The following DGLUCY variants were observed in gnomAD, a reference collection of about 807,000 sequenced individuals.
DGLUCY encodes D-glutamate cyclase.
Under a neutral mutation model 58.5 loss-of-function variants are expected in DGLUCY, and 58 were observed. The observed-to-expected ratio is 0.99, with a 90% CI of 0.80 to 1.23. The LOEUF (loss-of-function observed/expected upper bound fraction) is 1.23, where lower values mean the gene tolerates loss of function less well. Among genes scored for constraint, DGLUCY ranks in the 50% most tolerant of loss-of-function variants. The pLI, the probability that DGLUCY is intolerant of heterozygous loss-of-function variation, is 0.00. For missense variants in DGLUCY, 779 were observed against 784.7 expected, an observed-to-expected ratio of 0.99 and a Z score of 0.09; for synonymous variants, 325 against 314.1, an observed-to-expected ratio of 1.03 and a Z score of -0.37.
At chr14:91,156,547 A>G (rs1422167347) in intron 1 of DGLUCY, among the ~76,000 whole-genome samples, 4 of 152,236 alleles carry the variant, frequency 2.6e-5, no homozygotes, top group Non-Finnish European at 5.9e-5. Context: ...GTGGAATTTC[A>G]GAAATCTGTG....
At chr14:91,112,843 C>T (rs1456883075), upstream of DGLUCY, among the ~76,000 whole-genome samples, 1 of 151,506 alleles carries the variant, frequency 6.6e-6, no homozygotes, top group Non-Finnish European at 1.5e-5. Flanking sequence ...CACGGTGAAA[C>T]CCTGTTTCTA....
chr14:91,126,050 C>T (rs1169128694), intron 1 of DGLUCY, among the ~76,000 whole-genome samples: 2 of 152,178 alleles, frequency 1.3e-5, no homozygotes, highest in Non-Finnish European at 2.9e-5. Context: ...TTGATTGTCA[C>T]CTAGGTCTGA....
chr14:91,224,880 G>T lies in DGLUCY; in HGVS notation c.*47G>T, dbSNP rs2140819054. The stretch of plus-strand genomic sequence containing the variant: ...AGAGTCCCTACCAACGGGCAGGTCT[G>T]CATCCGGGGAGAATGCAGCTGCTTC... On this transcript the variant is annotated 3_prime_UTR_variant, in exon 14 of 14. Coordinates refer to ENST00000256324, the MANE Select transcript of DGLUCY (RefSeq NM_001102368.3). 6.5e-7 allele frequency: 1 copy of T among 1,528,986 alleles called. No individual in the cohort carries two copies. The highest frequency in any genetic ancestry group is 8.9e-7 in the Non-Finnish European group (1 of 1,127,484). The allele number at this position is 1,528,986 out of a possible 1,614,324, so 94.7% of individuals were successfully genotyped here.
intron 1 of DGLUCY, among the ~76,000 whole-genome samples, chr14:91,148,163 ATC>A (rs2140287017): frequency 1.3e-5 from 2 of 152,086 alleles, no homozygotes; most frequent in African/African-American, 4.8e-5. Context: ...GGCAGAGTAA[ATC>A]TCTGTCTCAA....
chr14:91,181,496 C>A, intron 8 of DGLUCY, 107 bp downstream of exon 8: 1 of 1,136,616 alleles, frequency 8.8e-7, no homozygotes, highest in South Asian at 1.5e-5. Flanking sequence ...AAAATGTATC[C>A]ACAGGATGAT....
chr14:91,189,138 A>G lies in DGLUCY; in HGVS notation c.1163A>G (p.His388Arg), dbSNP rs1456770399. ...GTTGACCAGAGAGCCTGGAACTTGC[A>G]CCAGAAGATTGTTGAAGATGCTGTT... ...IIVDQRAWNLHQKIVEDAVEQ... is the reference protein window; with the variant it reads ...IIVDQRAWNLRQKIVEDAVEQ... Residue 388 changes from histidine to arginine, a missense_variant, in exon 9 of 14, where the codon CAC (histidine) becomes CGC (arginine). Transcript: ENST00000256324. The G allele has an allele frequency of 2.5e-6, 4 of 1,614,188 alleles. No homozygotes were observed. The highest frequency in any genetic ancestry group is 2.2e-5 in the East Asian group (1 of 44,884).
At chr14:91,062,973 GCTCCTATAGAGCCT>G (rs2043757703) in intron 1 of DGLUCY, among the ~76,000 whole-genome samples, 1 of 152,140 alleles carries the variant, frequency 6.6e-6, no homozygotes, top group African/African-American at 2.4e-5. Flanking sequence ...TGCAGTCCTT[GCTCCTATAGAGCCT>G]ACAGTCTAGC....
chr14:91,201,589 G>C (rs1368651872), intron 11 of DGLUCY, among the ~76,000 whole-genome samples: 1 of 152,018 alleles, frequency 6.6e-6, no homozygotes, highest in Admixed American at 6.6e-5. Context: ...AAGCCACCAT[G>C]CCCGGCTGCT....
Position 91,191,366 on chromosome 14 carries a change from A to G in DGLUCY, c.1195+2196A>G, listed in dbSNP as rs538347260. On this transcript the variant is annotated intron_variant, in intron 9 of 13. Coordinates refer to ENST00000256324, the MANE Select transcript of DGLUCY (RefSeq NM_001102368.3). ...TTGGGATGATGAGAAAGTTCTGGAGATGAATGGGGGTGATGGTTGCACAAC... is the reference window on the plus strand; with the variant it reads ...TTGGGATGATGAGAAAGTTCTGGAGGTGAATGGGGGTGATGGTTGCACAAC... Among the ~76,000 whole-genome samples, 42 of 152,220 alleles carry G rather than the reference A, an allele frequency of 2.8e-4. No homozygotes were observed. In the South Asian group the frequency reaches 7.1e-3, roughly 26 times the overall value.
chr14:91,150,681 G>A (rs934806286), intron 1 of DGLUCY, among the ~76,000 whole-genome samples: 1 of 151,998 alleles, frequency 6.6e-6, no homozygotes, highest in Admixed American at 6.6e-5. Flanking sequence ...CCGCCTCAGC[G>A]TCCCAAAGTG....
chr14:91,060,933 A>G (rs887496253), intron 1 of DGLUCY: 1 of 153,114 alleles, frequency 6.5e-6, no homozygotes, highest in African/African-American at 2.4e-5. Context: ...ACTCGCAGTC[A>G]AGACCTTCCC....
chr14:91,145,779 A>G (rs2046983624), intron 1 of DGLUCY, among the ~76,000 whole-genome samples: 1 of 152,184 alleles, frequency 6.6e-6, no homozygotes, highest in South Asian at 2.1e-4. Flanking sequence ...CATTTTGTAG[A>G]TGGGAAAGCT....
At chr14:91,124,962 T>C (rs1325894681) in intron 1 of DGLUCY, among the ~76,000 whole-genome samples, 1 of 152,216 alleles carries the variant, frequency 6.6e-6, no homozygotes. Context: ...CTCTTCCTTA[T>C]TTGAAGGTGT....
At chr14:91,109,162 G>A (rs866191526), upstream of DGLUCY, among the ~76,000 whole-genome samples, 4 of 152,158 alleles carry the variant, frequency 2.6e-5, no homozygotes, top group African/African-American at 7.2e-5. Context: ...AAGTGCTGCC[G>A]TGACAATGGT....
intron 1 of DGLUCY, among the ~76,000 whole-genome samples, chr14:91,079,491 C>T (rs1165307345): frequency 1.3e-5 from 2 of 151,888 alleles, no homozygotes; most frequent in Admixed American, 6.6e-5. Context: ...GTAGCTGGGA[C>T]TACAGGTGCC....
intron 13 of DGLUCY, among the ~76,000 whole-genome samples, chr14:91,221,542 T>A (rs905670561): frequency 6.6e-6 from 1 of 150,952 alleles, no homozygotes; most frequent in Non-Finnish European, 1.5e-5. Flanking sequence ...GGTAGGTGGG[T>A]GGATGGAGGG....
intron 8 of DGLUCY, among the ~76,000 whole-genome samples, chr14:91,187,612 C>A (rs2049601550): frequency 6.6e-6 from 1 of 152,224 alleles, no homozygotes; most frequent in Non-Finnish European, 1.5e-5. Context: ...AGCACGACAG[C>A]CTCTTACCAT....
upstream of DGLUCY, among the ~76,000 whole-genome samples, chr14:91,110,063 G>C (rs547060088): frequency 2.6e-5 from 4 of 152,276 alleles, no homozygotes; most frequent in East Asian, 7.7e-4. Context: ...TCCCCTGGAG[G>C]GGGCCTCATT....
intron 5 of DGLUCY, among the ~76,000 whole-genome samples, chr14:91,171,298 C>T: frequency 6.6e-6 from 1 of 152,254 alleles, no homozygotes; most frequent in East Asian, 1.9e-4. Context: ...TTAAATGATG[C>T]TTTGCAGTCA....
Sources: allele counts gnomAD v4.1 joint callset (sites outside exome capture counted in the v4.1 genomes callset), GRCh38; gene constraint gnomAD v4.1.1; transcripts MANE v1.5; gene names NCBI Gene and HGNC (gene_info 2026-07-23, HGNC 2026-07-21).